The following PRKAA2 variants were observed in gnomAD, a reference collection of about 807,000 sequenced individuals.
PRKAA2 encodes protein kinase AMP-activated catalytic subunit alpha 2.
PRKAA2 carries 40 observed loss-of-function variants against 56.3 expected under a neutral mutation model. That is an observed-to-expected ratio of 0.71 (90% CI 0.55 to 0.92). The LOEUF (loss-of-function observed/expected upper bound fraction) is 0.92, where lower values mean the gene tolerates loss of function less well. Among genes scored for constraint, PRKAA2 ranks in the 40% least tolerant of loss-of-function variants. The probability of loss-of-function intolerance (pLI) is 0.00; values close to 1 mark genes in which losing one functional copy is unlikely to be tolerated. For synonymous variants in PRKAA2, 214 were observed against 234.2 expected (o/e 0.91, Z 0.79); for missense variants, 542 against 686.9 (o/e 0.79, Z 2.36).
chr1:56,658,332 A>G (rs1643961452), intron 1 of PRKAA2, among the ~76,000 whole-genome samples: 1 of 152,192 alleles, frequency 6.6e-6, no homozygotes, highest in Non-Finnish European at 1.5e-5. Flanking sequence ...ACAGGAAAAT[A>G]AAGGAGGACG....
chr1:56,695,318 A>G (rs1252730008), intron 5 of PRKAA2, among the ~76,000 whole-genome samples: 2 of 151,564 alleles, frequency 1.3e-5, no homozygotes, highest in African/African-American at 4.8e-5. Context: ...CAGCCTTCTG[A>G]GTAGCTGGGA....
chr1:56,659,139 A>G (rs1012697156), intron 1 of PRKAA2, among the ~76,000 whole-genome samples: 2 of 151,798 alleles, frequency 1.3e-5, no homozygotes, highest in African/African-American at 4.8e-5. Flanking sequence ...TTAATCTTAA[A>G]TGATGATGTA....
At chr1:56,668,649 A>G (rs939099166) in intron 1 of PRKAA2, among the ~76,000 whole-genome samples, 1 of 152,116 alleles carries the variant, frequency 6.6e-6, no homozygotes, top group African/African-American at 2.4e-5. Context: ...TTGTTTTATT[A>G]GATATGATAA....
Position 56,693,763 on chromosome 1 carries a change from A to G in PRKAA2, c.476-2A>G. The G allele has an allele frequency of 6.5e-7, 1 of 1,548,356 alleles. No individual in the cohort carries two copies. Among genetic ancestry groups the G allele is most frequent in the Non-Finnish European group, 8.8e-7 (1 of 1,135,004 alleles). ...CCAAGTAAACATTACTTTTATTTTT[A>G]GGATTATCTAATATGATGTCAGATG... On this transcript the variant is annotated splice_acceptor_variant, in intron 4 of 8. Transcript: ENST00000371244. LOFTEE classifies it high-confidence loss of function.
chr1:56,662,829 T>A (rs1644005683), intron 1 of PRKAA2, among the ~76,000 whole-genome samples: 2 of 73,458 alleles, frequency 2.7e-5, no homozygotes, highest in African/African-American at 7.1e-5. Context: ...GGATGCCTAA[T>A]GATTTTCCTT....
At chr1:56,646,679 G>T (rs536808293) in intron 1 of PRKAA2, among the ~76,000 whole-genome samples, 1 of 152,220 alleles carries the variant, frequency 6.6e-6, no homozygotes, top group South Asian at 2.1e-4. Flanking sequence ...TGCTGGGTAG[G>T]CAGTCTGGAA....
rs1406619401 is a variant in PRKAA2, at chr1:56,681,209, AT to A, written c.236+6693del. ...GCCCACTTTTTGATGGGGTTGTTTG[AT>A]TTTTTCTTGTACATTTGTTAAGTTC... On this transcript the variant is annotated intron_variant, in intron 2 of 8. Coordinates refer to ENST00000371244, the MANE Select transcript of PRKAA2 (RefSeq NM_006252.4). Among the ~76,000 whole-genome samples the A allele has an allele frequency of 2.0e-5, 3 of 151,636 alleles. No homozygotes were observed. In the East Asian group the frequency reaches 5.8e-4, roughly 29 times the overall value.
chr1:56,707,959 CA>C lies in PRKAA2; in HGVS notation c.*248del, dbSNP rs1644343946. On this transcript the variant is annotated 3_prime_UTR_variant, in exon 9 of 9. Transcript: ENST00000371244. ...GGCAATATCTTTAATAGGTTAATATCAATGAAGATTTTTAATTACAATAATG... is the reference window on the plus strand; with the variant it reads ...GGCAATATCTTTAATAGGTTAATATCATGAAGATTTTTAATTACAATAATG... The C allele has an allele frequency of 1.6e-5, 8 of 506,914 alleles. No homozygotes were observed. The South Asian group carries it at 1.9e-4, about 12-fold the overall frequency. The allele number at this position is 506,914 out of a possible 1,614,324, so 31.4% of individuals were successfully genotyped here.
chr1:56,649,775 C>T (rs1033235493), intron 1 of PRKAA2, among the ~76,000 whole-genome samples: 3 of 152,218 alleles, frequency 2.0e-5, no homozygotes, highest in African/African-American at 4.8e-5. Context: ...CCATGCCCAA[C>T]TTTGACTGTT....
intron 1 of PRKAA2, among the ~76,000 whole-genome samples, chr1:56,655,413 CTTT>C (rs10710505): frequency 2.6e-4 from 36 of 139,982 alleles, no homozygotes; most frequent in East Asian, 1.5e-3. Flanking sequence ...CCATGCCCAG[CTTT>C]TTTTTTTTTT....
chr1:56,678,436 A>G (rs930529807), intron 2 of PRKAA2, among the ~76,000 whole-genome samples: 1 of 152,210 alleles, frequency 6.6e-6, no homozygotes, highest in Non-Finnish European at 1.5e-5. Context: ...TTGAATGCCA[A>G]GAATGAAGGA....
chr1:56,663,936 C>G (rs1189014793), intron 1 of PRKAA2, among the ~76,000 whole-genome samples: 4 of 151,860 alleles, frequency 2.6e-5, no homozygotes, highest in Non-Finnish European at 5.9e-5. Flanking sequence ...CCTGTCTCTA[C>G]AAAAAATAAA....
At chr1:56,653,363 A>C (rs1281083377) in intron 1 of PRKAA2, among the ~76,000 whole-genome samples, 1 of 151,780 alleles carries the variant, frequency 6.6e-6, no homozygotes, top group East Asian at 1.9e-4. Context: ...TTGACTTTCA[A>C]AGGGTATTTT....
chr1:56,713,848 TAAAAAAAA>T lies in PRKAA2; in HGVS notation c.*6149_*6156del, dbSNP rs35829792. On this transcript the variant is annotated 3_prime_UTR_variant, in exon 9 of 9. Coordinates refer to ENST00000371244, the MANE Select transcript of PRKAA2 (RefSeq NM_006252.4). ...AAAGTGGAAGAGAGATCCACTGTTCTAAAAAAAAAAAAAAAAAAAAACACTAAATTGTG... is the reference window on the plus strand; with the variant it reads ...AAAGTGGAAGAGAGATCCACTGTTCTAAAAAAAAAAAAACACTAAATTGTG... The T allele has an allele frequency of 1.8e-5, 2 of 110,564 alleles. No individual in the cohort carries two copies. Among genetic ancestry groups the T allele is most frequent in the African/African-American group, 6.6e-5 (2 of 30,244 alleles). The allele number at this position is 110,564 out of a possible 1,614,324, so 6.8% of individuals were successfully genotyped here.
chr1:56,675,355 T>C (rs1644105709), intron 2 of PRKAA2, among the ~76,000 whole-genome samples: 1 of 149,580 alleles, frequency 6.7e-6, no homozygotes, highest in Admixed American at 6.7e-5. Context: ...ATTTTTTTTT[T>C]GTCAAGTTTC....
At chr1:56,683,708 T>C (rs1385623789) in intron 2 of PRKAA2, among the ~76,000 whole-genome samples, 3 of 152,064 alleles carry the variant, frequency 2.0e-5, no homozygotes, top group East Asian at 3.9e-4. Flanking sequence ...CATGTAGATA[T>C]CTGAAGTGGG....
rs573942058 is a variant in PRKAA2, at chr1:56,684,308, C to T, written c.237-7086C>T. Among the ~76,000 whole-genome samples, 235 of 151,978 alleles carry T rather than the reference C, an allele frequency of 1.5e-3. 1 individual carries two copies. The highest frequency in any genetic ancestry group is 5.4e-3 in the African/African-American group (225 of 41,440). On this transcript the variant is annotated intron_variant, in intron 2 of 8. Transcript: ENST00000371244. ...GAAGTTGAAATGCTTATTAGACATC[C>T]AAGTAGAGATGTAAGTAGGCTGTTG...
At chr1:56,673,345 G>A (rs984199599) in intron 1 of PRKAA2, among the ~76,000 whole-genome samples, 3 of 152,130 alleles carry the variant, frequency 2.0e-5, no homozygotes, top group Non-Finnish European at 4.4e-5. Flanking sequence ...CTGCATTCCA[G>A]CCTGGATAAC....
chr1:56,653,894 A>G (rs1643922340), intron 1 of PRKAA2, among the ~76,000 whole-genome samples: 1 of 152,114 alleles, frequency 6.6e-6, no homozygotes, highest in Admixed American at 6.6e-5. Context: ...TTGTATACAT[A>G]CATATATATG....
Sources: allele counts gnomAD v4.1 joint callset (sites outside exome capture counted in the v4.1 genomes callset), GRCh38; gene constraint gnomAD v4.1.1; transcripts MANE v1.5; gene names NCBI Gene and HGNC (gene_info 2026-07-23, HGNC 2026-07-21).